BBS12: variants seen among roughly 807,000 people sequenced by gnomAD.
BBS12 encodes chaperonin-containing T-complex member BBS12.
A neutral mutation model predicts 5.6 loss-of-function variants in BBS12; 5 were observed. The observed-to-expected ratio is 0.89, with a 90% CI of 0.46 to 1.86. The LOEUF (loss-of-function observed/expected upper bound fraction) is 1.86. Ranked by LOEUF, BBS12 falls within the 40% of genes most tolerant of loss-of-function variation. BBS12 has a pLI of 0.01. For synonymous variants in BBS12, 308 were observed against 306.8 expected (o/e 1.00, Z -0.04); for missense variants, 748 against 830.4 (o/e 0.90, Z 1.22).
the BBS12 span, among the ~76,000 whole-genome samples, chr4:122,725,787 C>T: frequency 1.3e-5 from 2 of 151,116 alleles, no homozygotes; most frequent in African/African-American, 4.9e-5. Context: ...AGTCCCAGCT[C>T]CTCAGGAGGC....
chr4:122,726,173 C>T, the BBS12 span, among the ~76,000 whole-genome samples: 5 of 152,124 alleles, frequency 3.3e-5, no homozygotes, highest in Middle Eastern at 3.4e-3. Context: ...ACAATCTACG[C>T]ATCCAACAAA....
the BBS12 span, among the ~76,000 whole-genome samples, chr4:122,716,608 T>C: frequency 5.1e-3 from 280 of 55,316 alleles, 2 homozygotes; most frequent in African/African-American, 0.023. Context: ...TATACACACA[T>C]GTGTGTATAT....
chr4:122,725,992 C>T, the BBS12 span, among the ~76,000 whole-genome samples: 1 of 151,270 alleles, frequency 6.6e-6, no homozygotes, highest in South Asian at 2.1e-4. Flanking sequence ...ATCGGAAATA[C>T]CCTTCTAGAC....
the BBS12 span, among the ~76,000 whole-genome samples, chr4:122,711,101 C>T: frequency 8.5e-5 from 13 of 152,296 alleles, no homozygotes; most frequent in Middle Eastern, 3.4e-3. Flanking sequence ...TTGAAACATA[C>T]GAAACCATCT....
intron 1 of BBS12, among the ~76,000 whole-genome samples, chr4:122,740,875 A>G (rs1800860553): frequency 6.6e-6 from 1 of 152,214 alleles, no homozygotes; most frequent in African/African-American, 2.4e-5. Flanking sequence ...AATGACTATG[A>G]AATAGCTTCT....
At chr4:122,736,479 A>G (rs1050396418) in intron 1 of BBS12, among the ~76,000 whole-genome samples, 2 of 152,150 alleles carry the variant, frequency 1.3e-5, no homozygotes, top group Non-Finnish European at 2.9e-5. Context: ...TAAACTGAGT[A>G]CCTTAGACAA....
chr4:122,743,051 CT>C lies in BBS12; in HGVS notation c.1161del (p.Gln388LysfsTer17). 1 of 1,614,220 alleles carries C rather than the reference CT, an allele frequency of 6.2e-7. No homozygotes were observed. The highest frequency in any genetic ancestry group is 8.5e-7 in the Non-Finnish European group (1 of 1,180,036). On this transcript the variant is annotated frameshift_variant, in exon 2 of 2. Coordinates refer to ENST00000314218, the MANE Select transcript of BBS12 (RefSeq NM_152618.3). LOFTEE classifies it low-confidence loss of function (END_TRUNC). ...TAAAACAGTATTAGATAGCATGCGG[CT>C]TCAAGAAGACAGCTCAGAAGAACTG... ...NIKTVLDSMR[L>X]QEDSSEELWA...
chr4:122,707,108 G>T, the BBS12 span, among the ~76,000 whole-genome samples: 1 of 105,744 alleles, frequency 9.5e-6, no homozygotes, highest in Non-Finnish European at 1.7e-5. Flanking sequence ...TTGCTATGTT[G>T]TCCAAGCTGT....
In BBS12 at chr4:122,743,744, T is replaced by TA; in HGVS notation, c.1853dup (p.Tyr618Ter). The TA allele has an allele frequency of 6.2e-7, 1 of 1,614,218 alleles. No individual in the cohort carries two copies. Among genetic ancestry groups the TA allele is most frequent in the Non-Finnish European group, 8.5e-7 (1 of 1,180,040 alleles). The change falls in exon 2 of 2, where the codon TAC (tyrosine) becomes TAAC (stop). Residue 618 changes from tyrosine to a stop codon, truncating the protein, a stop_gained and frameshift_variant. Coordinates refer to ENST00000314218, the MANE Select transcript of BBS12 (RefSeq NM_152618.3). LOFTEE classifies it high-confidence loss of function. ...NYSSEFEAST[Y>*]IQHHLQNATD... ...CTCATCAGAATTTGAAGCCAGCACA[T>TA]ACATTCAACATCATCTGCAAAATGC...
upstream of BBS12, chr4:122,730,608 T>C (rs309354): frequency 0.43 from 65,474 of 152,126 alleles, 15,581 homozygotes; most frequent in East Asian, 0.65. Context: ...TCTCCATCTC[T>C]ATCATGATCA....
chr4:122,714,815 C>T, the BBS12 span, among the ~76,000 whole-genome samples: 4 of 151,806 alleles, frequency 2.6e-5, no homozygotes, highest in African/African-American at 9.7e-5. Flanking sequence ...TACATGCTAT[C>T]GTGTAAAATT....
At chr4:122,724,183 T>C in the BBS12 span, among the ~76,000 whole-genome samples, 2,696 of 152,220 alleles carry the variant, frequency 0.018, 70 homozygotes, top group African/African-American at 0.062. Flanking sequence ...AATCCAGGGG[T>C]GGCTTCACTT....
rs767882942 is a variant in BBS12 at position 122,743,660 on chromosome 4, T to C, written c.1768T>C (p.Phe590Leu). Residue 590 changes from phenylalanine (F) to leucine (L), a missense_variant, in exon 2 of 2, where the codon TTC (phenylalanine) becomes CTC (leucine). Physicochemically the swap from Phe to Leu is conservative, Grantham distance 22. Coordinates refer to ENST00000314218, the MANE Select transcript of BBS12 (RefSeq NM_152618.3). The part of the protein sequence containing the change: ...LAIYRPTVLK[F>L]LANGWQKYLS... ...AATATACAGACCAACTGTGCTTAAA[T>C]TCCTGGCAAATGGATGGCAGAAATA... 2 of 1,614,178 alleles carry C rather than the reference T, an allele frequency of 1.2e-6. No homozygotes were observed. Among genetic ancestry groups the C allele is most frequent in the Admixed American group, 3.3e-5 (2 of 60,018 alleles).
chr4:122,741,875 G>C lies in BBS12; in HGVS notation c.-10-8G>C, dbSNP rs1198058722. 1.9e-6 allele frequency: 3 copies of C among 1,609,336 alleles called. No homozygotes were observed. Among genetic ancestry groups the C allele is most frequent in the South Asian group, 1.1e-5 (1 of 90,858 alleles). On this transcript the variant is annotated splice_polypyrimidine_tract_variant and splice_region_variant and intron_variant, in intron 1 of 1. Transcript: ENST00000314218. ...GAATAAAGTTACAAGTTTTTATTTT[G>C]TTTGCAGATCATGATACATGGTGAT...
At chr4:122,738,578 T>G (rs765229933) in intron 1 of BBS12, among the ~76,000 whole-genome samples, 6 of 152,146 alleles carry the variant, frequency 3.9e-5, no homozygotes, top group Admixed American at 1.3e-4. Context: ...GGAAACTGAC[T>G]TACAGAATGA....
At chr4:122,723,494 C>G in the BBS12 span, among the ~76,000 whole-genome samples, 2 of 152,196 alleles carry the variant, frequency 1.3e-5, no homozygotes, top group Admixed American at 1.3e-4. Context: ...TGTGATCCAT[C>G]CAATATGAAT....
At chr4:122,717,998 A>T in the BBS12 span, among the ~76,000 whole-genome samples, 1 of 152,134 alleles carries the variant, frequency 6.6e-6, no homozygotes, top group African/African-American at 2.4e-5. Flanking sequence ...TGTCCATGTG[A>T]TGTTGAGCTA....
chr4:122,709,742 C>A, the BBS12 span, among the ~76,000 whole-genome samples: 1 of 152,098 alleles, frequency 6.6e-6, no homozygotes, highest in South Asian at 2.1e-4. Context: ...GCAACCTCCA[C>A]TTCCTGGGTT....
At chr4:122,723,066 C>A in the BBS12 span, among the ~76,000 whole-genome samples, 5 of 152,092 alleles carry the variant, frequency 3.3e-5, no homozygotes, top group African/African-American at 4.8e-5. Flanking sequence ...TGTGGGTTTT[C>A]TCTCCTATTA....
Sources: gnomAD v4.1 joint callset for allele counts (sites outside exome capture counted in the v4.1 genomes callset) on GRCh38, gnomAD v4.1.1 for gene constraint, MANE v1.5 for transcripts, NCBI Gene and HGNC (gene_info 2026-07-23, HGNC 2026-07-21) for gene names.